CDH13: variants seen among roughly 807,000 people sequenced by gnomAD.
The protein encoded by CDH13 is cadherin 13, also known as cadherin-13.
In CDH13, 24 loss-of-function variants were observed where a neutral mutation model predicts 63.8. The observed-to-expected ratio is 0.38, with a 90% confidence interval of 0.27 to 0.53. The LOEUF (loss-of-function observed/expected upper bound fraction) is 0.53. Among genes scored for constraint, CDH13 ranks in the 20% least tolerant of loss-of-function variants. The pLI is 0.85. For missense variants in CDH13, 1,049 were observed against 903.1 expected, an observed-to-expected ratio of 1.16 and a Z score of -2.07; for synonymous variants, 503 against 355.3, an observed-to-expected ratio of 1.42 and a Z score of -4.67.
intron 6 of CDH13, among the ~76,000 whole-genome samples, chr16:83,455,997 C>T (rs1184136452): frequency 6.6e-6 from 1 of 152,230 alleles, no homozygotes; most frequent in African/African-American, 2.4e-5. Context: ...AGGAGGCTCC[C>T]ACTGCTGTTA....
chr16:82,704,348 C>G (rs1033199970), intron 1 of CDH13, among the ~76,000 whole-genome samples: 3 of 152,332 alleles, frequency 2.0e-5, no homozygotes, highest in Admixed American at 2.0e-4. Flanking sequence ...CTCTGGCTCT[C>G]TGGCCTGTTC....
intron 11 of CDH13, among the ~76,000 whole-genome samples, chr16:83,769,262 A>G (rs1377393099): frequency 6.6e-6 from 1 of 152,112 alleles, no homozygotes; most frequent in South Asian, 2.1e-4. Context: ...TTAAGTGTCT[A>G]TAGGAACAAT....
chr16:83,413,742 C>T (rs1410612805), intron 6 of CDH13, among the ~76,000 whole-genome samples: 4 of 152,118 alleles, frequency 2.6e-5, no homozygotes, highest in African/African-American at 9.7e-5. Flanking sequence ...AATCTCAGCA[C>T]TTTGGGAGGC....
chr16:82,960,648 C>T (rs972788440), intron 2 of CDH13, among the ~76,000 whole-genome samples: 3 of 152,142 alleles, frequency 2.0e-5, no homozygotes, highest in African/African-American at 4.8e-5. Context: ...TTCGGTATAG[C>T]AGGTACGGTA....
At chr16:83,747,716 C>T (rs1038040606) in intron 10 of CDH13, among the ~76,000 whole-genome samples, 41 of 149,118 alleles carry the variant, frequency 2.7e-4, no homozygotes, top group African/African-American at 9.2e-4. Flanking sequence ...TTGATGTGCC[C>T]TGCTTGTACC....
At chr16:83,347,715 T>A (rs1336983775) in intron 6 of CDH13, among the ~76,000 whole-genome samples, 1 of 152,222 alleles carries the variant, frequency 6.6e-6, no homozygotes, top group Non-Finnish European at 1.5e-5. Flanking sequence ...ACAATCAGTG[T>A]CTACGTCTCC....
In CDH13 at chr16:82,986,458, A is replaced by G. The variant is rs76423888; in HGVS notation, c.158-45552A>G. Among the ~76,000 whole-genome samples the G allele has an allele frequency of 1.5e-3, 223 of 152,294 alleles. 8 individuals are homozygous for G. In the East Asian group the frequency reaches 0.039, roughly 26 times the overall value. On this transcript the variant is annotated intron_variant, in intron 2 of 13. Coordinates refer to ENST00000567109, the MANE Select transcript of CDH13 (RefSeq NM_001257.5). Reference sequence around the variant, plus strand: ...GCTTGCCATTTCTCTCAGATTTCTTATTGTCCTCTGGGTCAAAAACACTGC... The same window carrying G: ...GCTTGCCATTTCTCTCAGATTTCTTGTTGTCCTCTGGGTCAAAAACACTGC...
At chr16:82,694,385 A>G (rs1391323377) in intron 1 of CDH13, among the ~76,000 whole-genome samples, 2 of 152,314 alleles carry the variant, frequency 1.3e-5, no homozygotes, top group East Asian at 3.9e-4. Flanking sequence ...TATCACTGCA[A>G]CATTCAGCAC....
intron 3 of CDH13, among the ~76,000 whole-genome samples, chr16:83,081,950 G>A (rs35879103): frequency 0.12 from 17,715 of 151,992 alleles, 1,241 homozygotes; most frequent in Non-Finnish European, 0.16. Context: ...ACAGGCATGC[G>A]CCACCACGCC....
chr16:83,143,056 A>G (rs2036603505), intron 4 of CDH13, among the ~76,000 whole-genome samples: 3 of 152,190 alleles, frequency 2.0e-5, no homozygotes, highest in South Asian at 4.1e-4. Flanking sequence ...ATAAGCCAAG[A>G]TCGTGCCGTT....
chr16:83,257,609 G>A (rs1041129674), intron 5 of CDH13, among the ~76,000 whole-genome samples: 4 of 152,168 alleles, frequency 2.6e-5, no homozygotes, highest in African/African-American at 9.7e-5. Flanking sequence ...TTTTATTTGT[G>A]GCTGTGTAGT....
At chr16:83,183,702 A>G (rs2038420355) in intron 4 of CDH13, among the ~76,000 whole-genome samples, 1 of 152,114 alleles carries the variant, frequency 6.6e-6, no homozygotes. Flanking sequence ...TGCCATTGCT[A>G]CTCAGGTGAG....
At chr16:83,781,381 T>C (rs1915511607) in intron 12 of CDH13, among the ~76,000 whole-genome samples, 1 of 152,260 alleles carries the variant, frequency 6.6e-6, no homozygotes, top group Admixed American at 6.5e-5. Flanking sequence ...TATCCTGCTG[T>C]TGACCCCGTC....
intron 5 of CDH13, among the ~76,000 whole-genome samples, chr16:83,315,489 C>A (rs1326365532): frequency 6.6e-6 from 1 of 152,050 alleles, no homozygotes; most frequent in Non-Finnish European, 1.5e-5. Context: ...GCTTTCTTTC[C>A]GTGAATGACT....
intron 2 of CDH13, among the ~76,000 whole-genome samples, chr16:83,018,072 G>A (rs1000744666): frequency 3.9e-5 from 6 of 152,124 alleles, no homozygotes; most frequent in African/African-American, 1.4e-4. Context: ...AATATGATGG[G>A]CCAGTGAAAA....
chr16:82,638,450 C>A (rs1395027999), intron 1 of CDH13, among the ~76,000 whole-genome samples: 1 of 152,156 alleles, frequency 6.6e-6, no homozygotes, highest in African/African-American at 2.4e-5. Flanking sequence ...TCTATGCTTG[C>A]CCTGCAGGAT....
intron 10 of CDH13, among the ~76,000 whole-genome samples, chr16:83,737,250 G>C (rs570434844): frequency 6.6e-6 from 1 of 152,138 alleles, no homozygotes; most frequent in South Asian, 2.1e-4. Flanking sequence ...AGTGAGCGCT[G>C]TTAGACTCAA....
At chr16:83,122,773 A>G (rs1293188726) in intron 3 of CDH13, among the ~76,000 whole-genome samples, 2 of 152,182 alleles carry the variant, frequency 1.3e-5, no homozygotes, top group African/African-American at 4.8e-5. Flanking sequence ...ATTACCTAGT[A>G]TCGGAAGAGT....
intron 2 of CDH13, among the ~76,000 whole-genome samples, chr16:82,873,382 A>G (rs1460707532): frequency 6.6e-6 from 1 of 152,126 alleles, no homozygotes; most frequent in Non-Finnish European, 1.5e-5. Flanking sequence ...CAATCCTCTG[A>G]CTCCAAACCC....
Sources: gnomAD v4.1 joint callset for allele counts (sites outside exome capture counted in the v4.1 genomes callset) on GRCh38, gnomAD v4.1.1 for gene constraint, MANE v1.5 for transcripts, NCBI Gene and HGNC (gene_info 2026-07-23, HGNC 2026-07-21) for gene names.